NCAPG2: variants seen among roughly 807,000 people sequenced by gnomAD.
The protein encoded by NCAPG2 is non-SMC condensin II complex subunit G2.
A neutral mutation model predicts 141.1 loss-of-function variants in NCAPG2; 53 were observed. That is an observed-to-expected ratio of 0.38 (90% CI 0.30 to 0.47). The LOEUF (loss-of-function observed/expected upper bound fraction) is 0.47. NCAPG2 is among the 20% of genes least tolerant of loss of function. NCAPG2 has a pLI of 0.99. For missense variants in NCAPG2, 1,087 were observed against 1,389.0 expected, an observed-to-expected ratio of 0.78 and a Z score of 3.46; for synonymous variants, 499 against 490.7, an observed-to-expected ratio of 1.02 and a Z score of -0.22.
chr7:158,656,340 G>C lies in NCAPG2; in HGVS notation c.2308C>G (p.His770Asp). 6.2e-7 allele frequency: 1 copy of C among 1,614,196 alleles called. No individual in the cohort carries two copies. The highest frequency in any genetic ancestry group is 1.6e-4 in the Middle Eastern group (1 of 6,062). ...ALVYIEYLLT[H>D]PKNRECLLSA... ...AGCAAGCACTCGCGGTTCTTTGGAT[G>C]AGTCAGCAGATACTCAATGTAGACC... Residue 770 changes from histidine to aspartate, a missense_variant, in exon 19 of 28, where the codon CAT becomes GAT. Coordinates refer to ENST00000356309, the MANE Select transcript of NCAPG2 (RefSeq NM_017760.7).
chr7:158,682,488 A>G (rs1008580540), intron 9 of NCAPG2, among the ~76,000 whole-genome samples: 3 of 152,220 alleles, frequency 2.0e-5, no homozygotes, highest in Admixed American at 6.5e-5. Context: ...TAAATCATCA[A>G]TAATGCAAAG....
At position 158,687,341 on chromosome 7, in the gene NCAPG2, C is replaced by T. The variant is rs770766734; in HGVS notation, c.767+7G>A. The T allele has an allele frequency of 8.2e-6, 13 of 1,592,170 alleles. No individual in the cohort carries two copies. In the African/African-American group the frequency reaches 1.5e-4, roughly 18 times the overall value. On this transcript the variant is annotated splice_region_variant and intron_variant, in intron 7 of 27. Transcript: ENST00000356309. The stretch of plus-strand genomic sequence containing the variant: ...AGCACAAAATCTTCAGTACTTTTAA[C>T]ACTTACTTTTGTAATCCCTGTAACT...
chr7:158,654,233 C>A (rs989989044), intron 22 of NCAPG2, among the ~76,000 whole-genome samples: 3 of 152,302 alleles, frequency 2.0e-5, no homozygotes, highest in African/African-American at 7.2e-5. Context: ...GTCTGACTCA[C>A]GCCCCCATCC....
rs374698672 is a variant in NCAPG2, at chr7:158,656,541, T to G, written c.2214+11A>C. The stretch of plus-strand genomic sequence containing the variant: ...CTCACCTAATTTTAAGGAAACATGA[T>G]GTCAACCTACCTTGGCCTGGGCATG... On this transcript the variant is annotated intron_variant, in intron 18 of 27. Coordinates refer to ENST00000356309, the MANE Select transcript of NCAPG2 (RefSeq NM_017760.7). The G allele has an allele frequency of 5.0e-6, 8 of 1,613,676 alleles. No homozygotes were observed. The African/African-American group carries it at 5.3e-5, about 11-fold the overall frequency.
Position 158,633,500 on chromosome 7 carries a change from C to T in NCAPG2, c.3381-1783G>A, listed in dbSNP as rs1471593533. ...GCACAGCTATGTGGAGGCTGCCATG[C>T]AGCGACACAGGAGACTCTGGGTGCC... On this transcript the variant is annotated intron_variant, in intron 27 of 27. Transcript: ENST00000356309. The surrounding 1 kb of genome is among the most constrained non-coding windows in gnomAD (Gnocchi z 4.1). Among the ~76,000 whole-genome samples the T allele has an allele frequency of 6.6e-6, 1 of 152,228 alleles. No individual in the cohort carries two copies. Among genetic ancestry groups the T allele is most frequent in the Non-Finnish European group, 1.5e-5 (1 of 68,048 alleles).
chr7:158,668,559 G>T, intron 13 of NCAPG2: 2 of 526,204 alleles, frequency 3.8e-6, no homozygotes, highest in Non-Finnish European at 4.9e-6. Flanking sequence ...GTGTGGCCTG[G>T]ATACAGTTTA....
chr7:158,643,323 C>T (rs373595634), intron 27 of NCAPG2, among the ~76,000 whole-genome samples: 62 of 152,076 alleles, frequency 4.1e-4, no homozygotes, highest in East Asian at 1.7e-3. Context: ...TCCTGAGATC[C>T]GCCTGCCTTG....
chr7:158,687,733 A>G (rs1215496703), intron 6 of NCAPG2, among the ~76,000 whole-genome samples: 5 of 152,180 alleles, frequency 3.3e-5, no homozygotes, highest in African/African-American at 1.2e-4. Context: ...TGGGTCCATA[A>G]ACATCTCATT....
intron 13 of NCAPG2, 65 bp downstream of exon 13, chr7:158,671,449 C>A (rs1039415446): frequency 1.3e-6 from 2 of 1,579,760 alleles, no homozygotes; most frequent in South Asian, 1.1e-5. Context: ...AAACTACTTT[C>A]TTTCTGTTTG....
rs1307372819 is a variant in NCAPG2, at chr7:158,655,130, C to T, written c.2634G>A (p.Gln878=). The change falls in exon 21 of 28, where the codon CAG becomes CAA. Residue 878 remains glutamine (Q), a synonymous_variant. Coordinates refer to ENST00000356309, the MANE Select transcript of NCAPG2 (RefSeq NM_017760.7). ...TAAGACTTCTAACCTGGATAATTTG[C>T]TGATAAATGACCCTATGAAGCTTCA... The part of the protein sequence containing the change: ...DYLKLHRVIY[Q]QIIQTYLTVC... 1 of 1,609,140 alleles carries T rather than the reference C, an allele frequency of 6.2e-7. No homozygotes were observed. The highest frequency in any genetic ancestry group is 8.5e-7 in the Non-Finnish European group (1 of 1,178,858).
At chr7:158,682,436 CT>C (rs1834506825) in intron 9 of NCAPG2, among the ~76,000 whole-genome samples, 1 of 152,076 alleles carries the variant, frequency 6.6e-6, no homozygotes, top group South Asian at 2.1e-4. Context: ...ACTCAGTAGT[CT>C]AGATAAATCT....
At position 158,678,473 on chromosome 7, in the gene NCAPG2, T is replaced by A. The variant is rs143302083; in HGVS notation, c.1146+1487A>T. On this transcript the variant is annotated intron_variant, in intron 11 of 27. Transcript: ENST00000356309. The stretch of plus-strand genomic sequence containing the variant: ...CATTTTATGGCATGTGAAAATTACA[T>A]GAGATTAAAATTTTGTTGTCCACAA... Among the ~76,000 whole-genome samples, 493 of 152,330 alleles carry A rather than the reference T, an allele frequency of 3.2e-3. 1 individual carries two copies. Among genetic ancestry groups the A allele is most frequent in the Non-Finnish European group, 6.1e-3 (416 of 68,016 alleles).
intron 27 of NCAPG2, chr7:158,641,326 A>G: frequency 4.9e-6 from 2 of 407,282 alleles, no homozygotes; most frequent in Non-Finnish European, 8.7e-6. Flanking sequence ...CATATGCACC[A>G]ATTTTAAGAC....
At chr7:158,669,113 T>C (rs1412197124) in intron 13 of NCAPG2, among the ~76,000 whole-genome samples, 2 of 152,240 alleles carry the variant, frequency 1.3e-5, no homozygotes, top group Non-Finnish European at 2.9e-5. Flanking sequence ...TTCCTTTTTA[T>C]GGCGGCATAG....
At chr7:158,644,192 G>T in intron 27 of NCAPG2, 97 bp downstream of exon 27, 1 of 1,006,734 alleles carries the variant, frequency 9.9e-7, no homozygotes, top group Non-Finnish European at 1.5e-6. Flanking sequence ...CTAACCACCT[G>T]GGTGTAAGTA....
At chr7:158,675,795 T>C (rs1012463107) in intron 11 of NCAPG2, 139 bp from the exon 12 acceptor site, 22 of 861,228 alleles carry the variant, frequency 2.6e-5, no homozygotes, top group African/African-American at 3.5e-5. Context: ...TATGGATTCC[T>C]AGACCTGAGA....
chr7:158,697,189 G>C (rs1465848147), intron 2 of NCAPG2, among the ~76,000 whole-genome samples: 1 of 152,230 alleles, frequency 6.6e-6, no homozygotes, highest in African/African-American at 2.4e-5. Context: ...TGCCCCTGAA[G>C]ACCTTCCACT....
intron 2 of NCAPG2, among the ~76,000 whole-genome samples, chr7:158,699,838 G>A (rs946564538): frequency 6.6e-6 from 1 of 152,114 alleles, no homozygotes; most frequent in African/African-American, 2.4e-5. Context: ...TTATGCTACT[G>A]TTTTATTAGG....
intron 10 of NCAPG2, among the ~76,000 whole-genome samples, chr7:158,680,520 T>C (rs1834384957): frequency 6.6e-6 from 1 of 152,230 alleles, no homozygotes; most frequent in South Asian, 2.1e-4. Context: ...TAGTTAGCAC[T>C]AAACCAATCC....
Sources: gnomAD v4.1 joint callset for allele counts (sites outside exome capture counted in the v4.1 genomes callset) on GRCh38, gnomAD v4.1.1 for gene constraint, Gnocchi (gnomAD v3.1) non-coding constraint, MANE v1.5 for transcripts, NCBI Gene and HGNC (gene_info 2026-07-23, HGNC 2026-07-21) for gene names.